Variants in SLC45A4 observed in about 807,000 individuals in gnomAD.
SLC45A4 encodes polyamine-transporter SLC45A4.
In SLC45A4, 32 loss-of-function variants were observed where a neutral mutation model predicts 63.7. The ratio of observed to expected loss-of-function variants is 0.50; its 90% CI spans 0.38 to 0.67. The LOEUF (loss-of-function observed/expected upper bound fraction) is 0.67, where lower values mean the gene tolerates loss of function less well. SLC45A4 is among the 30% of genes least tolerant of loss of function. The pLI, the probability that SLC45A4 is intolerant of heterozygous loss-of-function variation, is 0.00. For synonymous variants in SLC45A4, 535 were observed against 510.0 expected, an observed-to-expected ratio of 1.05 and a Z score of -0.66; for missense variants, 1,027 against 1,157.7, an observed-to-expected ratio of 0.89 and a Z score of 1.64.
intron 1 of SLC45A4, among the ~76,000 whole-genome samples, chr8:141,296,836 CAA>C (rs34267017): frequency 5.2e-5 from 4 of 77,276 alleles, no homozygotes; most frequent in Non-Finnish European, 4.4e-5. Context: ...ACTCCATTGC[CAA>C]AAAAAAAAAA....
At chr8:141,271,840 C>A (rs1829537184) in intron 1 of SLC45A4, among the ~76,000 whole-genome samples, 1 of 145,044 alleles carries the variant, frequency 6.9e-6, no homozygotes, top group South Asian at 2.2e-4. Flanking sequence ...ATGCAACACA[C>A]ACCTGTGTAC....
At chr8:141,291,950 T>G (rs1830361980) in intron 1 of SLC45A4, among the ~76,000 whole-genome samples, 1 of 152,218 alleles carries the variant, frequency 6.6e-6, no homozygotes, top group South Asian at 2.1e-4. Flanking sequence ...CATGTTAGGT[T>G]CAAAGAAGCG....
At chr8:141,304,791 C>T (rs916801582) in intron 1 of SLC45A4, among the ~76,000 whole-genome samples, 1 of 152,176 alleles carries the variant, frequency 6.6e-6, no homozygotes, top group African/African-American at 2.4e-5. Context: ...CAACAGCAAC[C>T]CATCCACGGC....
In SLC45A4 at chr8:141,209,615, G is replaced by C. The variant is rs1403477997; in HGVS notation, c.*1957C>G. 2 of 152,286 alleles carry C rather than the reference G, an allele frequency of 1.3e-5. No individual in the cohort carries two copies. The highest frequency in any genetic ancestry group is 2.9e-5 in the Non-Finnish European group (2 of 68,088). The allele number at this position is 152,286 out of a possible 1,614,324, so 9.4% of individuals were successfully genotyped here. On this transcript the variant is annotated 3_prime_UTR_variant, in exon 9 of 9. Transcript: ENST00000517878. ...CTTGCAAACACCTGAAGTGCTGACA[G>C]CTTGACGAGTCTACAAAGTGTGCAG...
intron 1 of SLC45A4, among the ~76,000 whole-genome samples, chr8:141,289,471 T>C (rs866060110): frequency 6.6e-6 from 1 of 152,208 alleles, no homozygotes; most frequent in Non-Finnish European, 1.5e-5. Flanking sequence ...TTCTAATCTT[T>C]CAGGGCTCCA....
chr8:141,249,120 A>G (rs991649462), intron 2 of SLC45A4, among the ~76,000 whole-genome samples: 3 of 152,112 alleles, frequency 2.0e-5, no homozygotes, highest in African/African-American at 2.4e-5. Flanking sequence ...AACACTAAAC[A>G]TTGACGACGA....
intron 2 of SLC45A4, among the ~76,000 whole-genome samples, chr8:141,223,300 G>A (rs945547456): frequency 2.0e-5 from 3 of 152,206 alleles, no homozygotes; most frequent in Admixed American, 6.5e-5. Flanking sequence ...TATGTGACGC[G>A]TGTCCGCTGG....
intron 2 of SLC45A4, among the ~76,000 whole-genome samples, chr8:141,221,974 T>C (rs1422030965): frequency 6.6e-6 from 1 of 152,258 alleles, no homozygotes; most frequent in Non-Finnish European, 1.5e-5. Flanking sequence ...AAGCATCAGA[T>C]GGCCAGAGAA....
chr8:141,306,915 G>A (rs1336357172), intron 1 of SLC45A4, among the ~76,000 whole-genome samples: 1 of 152,098 alleles, frequency 6.6e-6, no homozygotes, highest in Non-Finnish European at 1.5e-5. Context: ...TCATAGACTG[G>A]AAAAGACAGC....
At chr8:141,247,480 C>T (rs900633748) in intron 2 of SLC45A4, among the ~76,000 whole-genome samples, 2 of 152,176 alleles carry the variant, frequency 1.3e-5, no homozygotes, top group African/African-American at 4.8e-5. Flanking sequence ...TCTATAGATT[C>T]AATGCAATTC....
intron 2 of SLC45A4, chr8:141,252,716 C>CGA (rs541929140): frequency 1.0e-5 from 1 of 99,274 alleles, no homozygotes; most frequent in Non-Finnish European, 2.0e-5. Flanking sequence ...CGCCCACCTG[C>CGA]GTGTCTGTGA....
At chr8:141,247,682 G>A (rs1030667766) in intron 2 of SLC45A4, among the ~76,000 whole-genome samples, 1 of 152,198 alleles carries the variant, frequency 6.6e-6, no homozygotes, top group Non-Finnish European at 1.5e-5. Flanking sequence ...AAAGTGCTGG[G>A]ATTACAGGTG....
At chr8:141,276,749 G>A (rs192633425) in intron 1 of SLC45A4, among the ~76,000 whole-genome samples, 1 of 152,326 alleles carries the variant, frequency 6.6e-6, no homozygotes, top group East Asian at 1.9e-4. Context: ...GGCTGAAAGA[G>A]ACCACAGGAC....
At chr8:141,226,963 G>A (rs1827038087) in intron 2 of SLC45A4, 1 of 152,248 alleles carries the variant, frequency 6.6e-6, no homozygotes. Flanking sequence ...GGCCCCGGGA[G>A]GGCACAGCTG....
rs1302648930 is a variant in SLC45A4, at chr8:141,220,249, A to G, written c.431-420T>C. Reference sequence around the variant, plus strand: ...GGCGCTCATGCCACAGACAACCCGCAGGGGACACTGATGAGGCTTCGCGAG... The same window carrying G: ...GGCGCTCATGCCACAGACAACCCGCGGGGGACACTGATGAGGCTTCGCGAG... On this transcript the variant is annotated intron_variant, in intron 3 of 8. Transcript: ENST00000517878. Among the ~76,000 whole-genome samples the G allele has an allele frequency of 2.0e-5, 3 of 152,190 alleles. No homozygotes were observed. The East Asian group carries it at 5.8e-4, about 29-fold the overall frequency.
In SLC45A4 at chr8:141,256,139, C is replaced by T. The variant is rs769057695; in HGVS notation, c.-400-1510G>A. ...GCAATAAGCTAACTGGAAATGCCAC[C>T]TTGGAAATGTTTTAGGAAATGAGGT... On this transcript the variant is annotated intron_variant, in intron 1 of 8. Coordinates refer to ENST00000517878, the MANE Select transcript of SLC45A4 (RefSeq NM_001286646.2). This position sits in a 1 kb window ranked among gnomAD's most constrained non-coding sequence, Gnocchi z 4.3. Among the ~76,000 whole-genome samples the T allele has an allele frequency of 2.0e-5, 3 of 152,124 alleles. No homozygotes were observed. Among genetic ancestry groups the T allele is most frequent in the African/African-American group, 7.2e-5 (3 of 41,428 alleles).
At chr8:141,273,468 G>A (rs371270721) in intron 1 of SLC45A4, among the ~76,000 whole-genome samples, 138 of 152,194 alleles carry the variant, frequency 9.1e-4, no homozygotes, top group African/African-American at 3.3e-3. Context: ...TCTGAGTCGC[G>A]GTTACTTTAG....
chr8:141,244,957 T>TGGGGGGGGGGGGGGGGG (rs1243475649), intron 2 of SLC45A4, among the ~76,000 whole-genome samples: 4 of 8,408 alleles, frequency 4.8e-4, no homozygotes, highest in Admixed American at 1.2e-3. Flanking sequence ...AAGACGTGGG[T>TGGGGGGGGGGGGGGGGG]GGGGGGGGGG....
chr8:141,216,914 A>C (rs1360597949), intron 6 of SLC45A4, among the ~76,000 whole-genome samples, 176 bp downstream of exon 6: 3 of 152,176 alleles, frequency 2.0e-5, no homozygotes, highest in Non-Finnish European at 4.4e-5. Flanking sequence ...CTTTTCCCTA[A>C]AACGAGGACA....
Sources: gnomAD v4.1 joint callset for allele counts (sites outside exome capture counted in the v4.1 genomes callset) on GRCh38, gnomAD v4.1.1 for gene constraint, Gnocchi (gnomAD v3.1) non-coding constraint, MANE v1.5 for transcripts, NCBI Gene and HGNC (gene_info 2026-07-23, HGNC 2026-07-21) for gene names.